Variants in TNRC6B observed in about 807,000 individuals in gnomAD.
TNRC6B encodes trinucleotide repeat-containing gene 6B protein.
TNRC6B carries 52 observed loss-of-function variants against 203.6 expected under a neutral mutation model. The observed-to-expected ratio is 0.26, with a 90% confidence interval of 0.20 to 0.32. The LOEUF (loss-of-function observed/expected upper bound fraction) is 0.32. Among genes scored for constraint, TNRC6B ranks in the 10% least tolerant of loss-of-function variants. The probability of loss-of-function intolerance (pLI) is 1.00; values close to 1 mark genes in which losing one functional copy is unlikely to be tolerated. For synonymous variants in TNRC6B, 838 were observed against 845.7 expected, an observed-to-expected ratio of 0.99 and a Z score of 0.16; for missense variants, 1,923 against 2,286.2, an observed-to-expected ratio of 0.84 and a Z score of 3.24.
chr22:40,315,487 A>G lies in TNRC6B; in HGVS notation c.4883A>G (p.Gln1628Arg). The G allele has an allele frequency of 6.2e-7, 1 of 1,614,036 alleles. No homozygotes were observed. Among genetic ancestry groups the G allele is most frequent in the Non-Finnish European group, 8.5e-7 (1 of 1,179,898 alleles). Residue 1628 changes from glutamine (Q) to arginine (R), a missense_variant, in exon 20 of 23, where the codon CAG becomes CGG. Coordinates refer to ENST00000454349, the MANE Select transcript of TNRC6B (RefSeq NM_001162501.2). The part of the protein sequence containing the change: ...APRSVRGWGT[Q>R]DSRLASASTW... Reference sequence around the variant, plus strand: ...CGATCAGTCAGGGGGTGGGGGACACAGGACTCACGGCTCGCCTCGGGTGAG... The same window carrying G: ...CGATCAGTCAGGGGGTGGGGGACACGGGACTCACGGCTCGCCTCGGGTGAG...
At chr22:40,165,359 T>G (rs1303066472) in intron 4 of TNRC6B, among the ~76,000 whole-genome samples, 1 of 151,784 alleles carries the variant, frequency 6.6e-6, no homozygotes, top group East Asian at 1.9e-4. Context: ...TTGTTTTTAG[T>G]AGCGACAAAG....
Sources: gnomAD v4.1 joint callset for allele counts (sites outside exome capture counted in the v4.1 genomes callset) on GRCh38, gnomAD v4.1.1 for gene constraint, MANE v1.5 for transcripts, NCBI Gene and HGNC (gene_info 2026-07-23, HGNC 2026-07-21) for gene names.